CARD14: variants seen among roughly 807,000 people sequenced by gnomAD.
The protein encoded by CARD14 is caspase recruitment domain-containing protein 14.
In CARD14, 107 loss-of-function variants were observed where a neutral mutation model predicts 111.5. That is an observed-to-expected ratio of 0.96 (90% CI 0.82 to 1.13). The LOEUF (loss-of-function observed/expected upper bound fraction) is 1.13, where lower values mean the gene tolerates loss of function less well. Ranked by LOEUF, CARD14 falls within the 50% of genes most tolerant of loss-of-function variation. The pLI is 0.00. For missense variants in CARD14, 1,322 were observed against 1,362.3 expected, an observed-to-expected ratio of 0.97 and a Z score of 0.47; for synonymous variants, 617 against 579.6, an observed-to-expected ratio of 1.06 and a Z score of -0.93.
chr17:80,204,583 C>A, intron 20 of CARD14: 1 of 424,254 alleles, frequency 2.4e-6, no homozygotes. Flanking sequence ...GAGATGGTGC[C>A]ATTGCACTCC....
At chr17:80,199,103 C>T (rs994135906) in intron 16 of CARD14, among the ~76,000 whole-genome samples, 15 of 152,118 alleles carry the variant, frequency 9.9e-5, no homozygotes, top group East Asian at 1.9e-4. Flanking sequence ...CACAAGCATG[C>T]GCTACCGTGC....
At position 80,203,682 on chromosome 17, in the gene CARD14, G is replaced by A. The variant is rs2041114227; in HGVS notation, c.2220-140G>A. ...CCAGGATGGAGCGCTCCAGCCTGCAGCAAAGGGATGTGTGGAGCTCTAGGT... is the reference window on the plus strand; with the variant it reads ...CCAGGATGGAGCGCTCCAGCCTGCAACAAAGGGATGTGTGGAGCTCTAGGT... On this transcript the variant is annotated intron_variant, in intron 18 of 23. Transcript: ENST00000648509. The surrounding 1 kb of genome is among the most constrained non-coding windows in gnomAD (Gnocchi z 4.6). The A allele has an allele frequency of 4.9e-6, 3 of 617,880 alleles. No individual in the cohort carries two copies. The South Asian group carries it at 6.3e-5, about 13-fold the overall frequency. The allele number at this position is 617,880 out of a possible 1,614,324, so 38.3% of individuals were successfully genotyped here. A position where few individuals can be genotyped will look rare whatever the true frequency, so the allele number is the denominator to read the frequency against.
At chr17:80,180,115 CA>C (rs1416529938) in intron 4 of CARD14, among the ~76,000 whole-genome samples, 1 of 152,126 alleles carries the variant, frequency 6.6e-6, no homozygotes, top group African/African-American at 2.4e-5. Flanking sequence ...GGGGCTCAGG[CA>C]GGGGCACAGT....
intron 16 of CARD14, among the ~76,000 whole-genome samples, chr17:80,199,313 C>T (rs1003340540): frequency 6.6e-6 from 1 of 151,408 alleles, no homozygotes; most frequent in Non-Finnish European, 1.5e-5. Context: ...CACGGCGAAA[C>T]CCCGTCTCTA....
chr17:80,203,823 G>A lies in CARD14; in HGVS notation c.2221G>A (p.Ala741Thr), dbSNP rs1273079353. ...CAGGGCCTCTGCTGGTCTCTGCAGG[G>A]CTCAGCAGCAGCTCATAGCCCTCAT... ...AHGTIPNYSR[A>T]QQQLIALIQD... The change falls in exon 19 of 24, where the codon GCT becomes ACT. Residue 741 changes from alanine (A) to threonine (T), a missense_variant and splice_region_variant. Physicochemically the swap from Ala to Thr is moderately conservative, Grantham distance 58. Coordinates refer to ENST00000648509, the MANE Select transcript of CARD14 (RefSeq NM_001366385.1). This position sits in a 1 kb window ranked among gnomAD's most constrained non-coding sequence, Gnocchi z 4.6. The A allele has an allele frequency of 3.2e-6, 5 of 1,574,432 alleles. No individual in the cohort carries two copies. Among genetic ancestry groups the A allele is most frequent in the Non-Finnish European group, 4.3e-6 (5 of 1,160,060 alleles).
chr17:80,203,802 G>A lies in CARD14; in HGVS notation c.2220-20G>A. 1 of 1,557,044 alleles carries A rather than the reference G, an allele frequency of 6.4e-7. No individual in the cohort carries two copies. The highest frequency in any genetic ancestry group is 8.7e-7 in the Non-Finnish European group (1 of 1,149,860). On this transcript the variant is annotated intron_variant, in intron 18 of 23. Transcript: ENST00000648509. This position sits in a 1 kb window ranked among gnomAD's most constrained non-coding sequence, Gnocchi z 4.6. Reference sequence around the variant, plus strand: ...CCTGGCAGGAGGCAGCTGGGTCAGGGCCTCTGCTGGTCTCTGCAGGGCTCA... The same window carrying A: ...CCTGGCAGGAGGCAGCTGGGTCAGGACCTCTGCTGGTCTCTGCAGGGCTCA...
chr17:80,192,512 G>A lies in CARD14; in HGVS notation c.1249G>A (p.Glu417Lys). The change falls in exon 12 of 24, where the codon GAA becomes AAA. Residue 417 changes from glutamate to lysine, a missense_variant. Physicochemically the swap from Glu to Lys is moderately conservative, Grantham distance 56. Coordinates refer to ENST00000648509, the MANE Select transcript of CARD14 (RefSeq NM_001366385.1). ...QAEPPGVLKQEARTREPCPRE... is the reference protein window; with the variant it reads ...QAEPPGVLKQKARTREPCPRE... The stretch of plus-strand genomic sequence containing the variant: ...GGCCTGTCTTTGGCAGCTCAAGCAG[G>A]AAGCCAGGACCAGGGAGCCCTGTCC... 1 of 1,613,382 alleles carries A rather than the reference G, an allele frequency of 6.2e-7. No individual in the cohort carries two copies. The highest frequency in any genetic ancestry group is 8.5e-7 in the Non-Finnish European group (1 of 1,179,646).
Position 80,204,213 on chromosome 17 carries a change from T to G in CARD14, c.2284-14T>G. 6.3e-7 allele frequency: 1 copy of G among 1,575,072 alleles called. No homozygotes were observed. The highest frequency in any genetic ancestry group is 8.7e-7 in the Non-Finnish European group (1 of 1,153,726). On this transcript the variant is annotated splice_polypyrimidine_tract_variant and intron_variant, in intron 19 of 23. Coordinates refer to ENST00000648509, the MANE Select transcript of CARD14 (RefSeq NM_001366385.1). The stretch of plus-strand genomic sequence containing the variant: ...CAACAGCTCCTCCTCATCCTTTCTC[T>G]GTCCCTCCTTTAGCCATCTTCTGGG...
In CARD14 at chr17:80,190,825, G is replaced by A; in HGVS notation, c.1015G>A (p.Ala339Thr). Residue 339 changes from alanine (A) to threonine (T), a missense_variant, in exon 10 of 24, where the codon GCC (alanine) becomes ACC (threonine). By Grantham distance (58) the Ala-to-Thr change is moderately conservative (BLOSUM62 0). Transcript: ENST00000648509. ...TLLQFQKSKM[A>T]CQLYREKVNA... ...GCTGCAGTTCCAGAAGAGTAAGATG[G>A]CCTGCCAACTCTACAGGGAGAAGGT... 6.2e-7 allele frequency: 1 copy of A among 1,614,114 alleles called. No individual in the cohort carries two copies. The highest frequency in any genetic ancestry group is 1.1e-5 in the South Asian group (1 of 91,078).
chr17:80,195,555 C>T lies in CARD14; in HGVS notation c.1500-3C>T. 3 of 1,609,384 alleles carry T rather than the reference C, an allele frequency of 1.9e-6. No individual in the cohort carries two copies. The highest frequency in any genetic ancestry group is 1.7e-6 in the Non-Finnish European group (2 of 1,178,746). Reference sequence around the variant, plus strand: ...TGAGCCTGCTGCTGCTTATGCTTTGCAGCAGCTGCCTGGAGATCCCGGAGG... The same window carrying T: ...TGAGCCTGCTGCTGCTTATGCTTTGTAGCAGCTGCCTGGAGATCCCGGAGG... On this transcript the variant is annotated splice_polypyrimidine_tract_variant and splice_region_variant and intron_variant, in intron 13 of 23. Transcript: ENST00000648509. This position sits in a 1 kb window ranked among gnomAD's most constrained non-coding sequence, Gnocchi z 4.7.
Position 80,201,487 on chromosome 17 carries a change from CAAAG to C in CARD14, c.1852-254_1852-251del. The C allele has an allele frequency of 7.8e-6, 4 of 510,064 alleles. No homozygotes were observed. Among genetic ancestry groups the C allele is most frequent in the Non-Finnish European group, 1.0e-5 (3 of 286,422 alleles). The allele number at this position is 510,064 out of a possible 1,614,324, so 31.6% of individuals were successfully genotyped here. A position where few individuals can be genotyped will look rare whatever the true frequency, so the allele number is the denominator to read the frequency against. Reference sequence around the variant, plus strand: ...TTTCAAGACAGGAAAGTGCTTATCACAAAGAACCCCCGATCTCGACTGGGGAAGG... The same window carrying C: ...TTTCAAGACAGGAAAGTGCTTATCACAACCCCCGATCTCGACTGGGGAAGG... On this transcript the variant is annotated intron_variant, in intron 16 of 23. Transcript: ENST00000648509. This position sits in a 1 kb window ranked among gnomAD's most constrained non-coding sequence, Gnocchi z 5.0.
intron 7 of CARD14, chr17:80,187,829 G>A: frequency 1.0e-6 from 1 of 985,500 alleles, no homozygotes; most frequent in Non-Finnish European, 1.2e-6. Flanking sequence ...GCAGGACCTG[G>A]TGGGATAGTC....
intron 12 of CARD14, among the ~76,000 whole-genome samples, chr17:80,194,474 G>GGCC (rs1157667954): frequency 5.9e-5 from 9 of 152,202 alleles, no homozygotes; most frequent in Non-Finnish European, 8.8e-5. Flanking sequence ...CTCTGAGTGC[G>GGCC]GCCTCCCCTC....
intron 2 of CARD14, among the ~76,000 whole-genome samples, chr17:80,177,211 TCTC>T (rs1411837860): frequency 2.0e-5 from 3 of 151,918 alleles, no homozygotes; most frequent in Non-Finnish European, 4.4e-5. Flanking sequence ...CTAGGGCCCT[TCTC>T]CTCCTCTTCT....
At chr17:80,181,093 A>G (rs1567868522) in intron 4 of CARD14, among the ~76,000 whole-genome samples, 1 of 152,122 alleles carries the variant, frequency 6.6e-6, no homozygotes, top group East Asian at 1.9e-4. Context: ...AATTTCTAAA[A>G]AAAAAAAAAA....
intron 12 of CARD14, 120 bp downstream of exon 12, chr17:80,192,739 C>T (rs1396155733): frequency 4.9e-5 from 32 of 656,386 alleles, no homozygotes; most frequent in South Asian, 1.9e-4. Flanking sequence ...GAGGTTGGTA[C>T]GATTGTGAGA....
intron 7 of CARD14, chr17:80,187,978 A>G (rs1005093871): frequency 4.7e-5 from 46 of 986,984 alleles, no homozygotes; most frequent in Admixed American, 6.1e-5. Flanking sequence ...ACTGATTTCC[A>G]TGACTCCAAA....
intron 2 of CARD14, among the ~76,000 whole-genome samples, chr17:80,175,473 C>T (rs537263333): frequency 2.6e-4 from 39 of 152,246 alleles, no homozygotes; most frequent in East Asian, 5.8e-4. Flanking sequence ...CGTGACAGAG[C>T]GACTGCGCCC....
chr17:80,205,727 T>TA, intron 22 of CARD14, 75 bp downstream of exon 22: 3 of 1,320,770 alleles, frequency 2.3e-6, no homozygotes, highest in African/African-American at 1.5e-5. Context: ...GGGGATGAGA[T>TA]AAAGGTACAG....
Sources: allele counts gnomAD v4.1 joint callset (sites outside exome capture counted in the v4.1 genomes callset), GRCh38; gene constraint gnomAD v4.1.1; non-coding constraint Gnocchi (gnomAD v3.1); transcripts MANE v1.5; gene names NCBI Gene and HGNC (gene_info 2026-07-23, HGNC 2026-07-21).